The following CLN3 variants were observed in gnomAD, a reference collection of about 807,000 sequenced individuals.
CLN3 encodes battenin.
CLN3 carries 49 observed loss-of-function variants against 60.7 expected under a neutral mutation model. That is an observed-to-expected ratio of 0.81 (90% CI 0.64 to 1.02). The LOEUF is 1.02. Ranked by LOEUF, CLN3 falls within the 50% of genes least tolerant of loss-of-function variation. CLN3 has a pLI of 0.00. For missense variants in CLN3, 516 were observed against 557.4 expected (o/e 0.93, Z 0.75); for synonymous variants, 256 against 245.8 (o/e 1.04, Z -0.39).
downstream of CLN3, among the ~76,000 whole-genome samples, chr16:28,472,800 C>CAAA (rs34795595): frequency 1.2e-5 from 1 of 85,036 alleles, no homozygotes; most frequent in Admixed American, 1.2e-4. Context: ...AACTCTGTTT[C>CAAA]AAAAAAAAAA....
intron 14 of CLN3, chr16:28,479,774 A>G: frequency 4.6e-6 from 1 of 215,082 alleles, no homozygotes; most frequent in Non-Finnish European, 9.9e-6. Flanking sequence ...ATCTCAAAAA[A>G]CAAAACAAAA....
rs749453498 is a variant in CLN3 at position 28,482,669 on chromosome 16, G to A, written c.794C>T (p.Ser265Phe). 4 of 1,614,070 alleles carry A rather than the reference G, an allele frequency of 2.5e-6. No homozygotes were observed. Among genetic ancestry groups the A allele is most frequent in the African/African-American group, 1.3e-5 (1 of 74,926 alleles). ...TTCCCGAAGGGAGAGGCTGGAGCTG[G>A]AGCCTGCAGGGGAACAGAGAGAGAA... ...RTEAPESKPG[S>F]SSSLSLRERW... Residue 265 changes from serine to phenylalanine, a missense_variant, in exon 11 of 16, where the codon TCC (serine) becomes TTC (phenylalanine). Transcript: ENST00000636147.
downstream of CLN3, among the ~76,000 whole-genome samples, chr16:28,472,136 G>C (rs2045955320): frequency 6.6e-6 from 1 of 152,226 alleles, no homozygotes; most frequent in Non-Finnish European, 1.5e-5. Flanking sequence ...ACCTGGGTCT[G>C]GTGCAGTGGC....
chr16:28,491,664 G>A, intron 2 of CLN3, 50 bp downstream of exon 2: 1 of 1,614,056 alleles, frequency 6.2e-7, no homozygotes, highest in South Asian at 1.1e-5. Flanking sequence ...CCCTCAGGTG[G>A]GCTGCGAGCC....
chr16:28,483,742 G>A (rs1239641812), intron 10 of CLN3, among the ~76,000 whole-genome samples: 1 of 97,492 alleles, frequency 1.0e-5, no homozygotes, highest in African/African-American at 4.4e-5. Context: ...TTTTTTTTGC[G>A]ACAAGGTCTT....
rs763520472 is a variant in CLN3 at position 28,487,649 on chromosome 16, C to T, written c.374+13G>A. On this transcript the variant is annotated intron_variant, in intron 6 of 15. Transcript: ENST00000636147. ...CTCCTGCCCACCCTGCCTCCCACTA[C>T]CCTCACCCAGACCTGTAGGGCAGCA... 8.1e-6 allele frequency: 13 copies of T among 1,612,004 alleles called. No individual in the cohort carries two copies. The highest frequency in any genetic ancestry group is 1.0e-5 in the Non-Finnish European group (12 of 1,178,412).
chr16:28,479,067 T>A (rs2046045337), intron 14 of CLN3, among the ~76,000 whole-genome samples: 1 of 152,066 alleles, frequency 6.6e-6, no homozygotes, highest in African/African-American at 2.4e-5. Context: ...CCCCAGGGTG[T>A]AGGTCCCACC....
At chr16:28,472,569 G>A (rs1320818110), downstream of CLN3, among the ~76,000 whole-genome samples, 10 of 151,334 alleles carry the variant, frequency 6.6e-5, no homozygotes, top group Non-Finnish European at 7.4e-5. Context: ...GGCTGGGCGC[G>A]CTGGTTCACG....
chr16:28,483,029 A>G (rs34838), intron 10 of CLN3, among the ~76,000 whole-genome samples: 72,348 of 151,228 alleles, frequency 0.48, 17,698 homozygotes, highest in African/African-American at 0.53. Flanking sequence ...ACTTGAACCC[A>G]GGAGGCAGAG....
chr16:28,483,713 CTTTTTTTTT>C (rs755660742), intron 10 of CLN3, among the ~76,000 whole-genome samples: 8 of 100,526 alleles, frequency 8.0e-5, no homozygotes, highest in South Asian at 3.3e-4. Flanking sequence ...CCTTTCTTTT[CTTTTTTTTT>C]TTTTTTTTTT....
At chr16:28,489,171 G>A (rs1330561643) in intron 4 of CLN3, 119 bp downstream of exon 4, 1 of 790,776 alleles carries the variant, frequency 1.3e-6, no homozygotes, top group Non-Finnish European at 2.2e-6. Context: ...CAAACTGCTG[G>A]GATTACAGGT....
intron 14 of CLN3, among the ~76,000 whole-genome samples, chr16:28,481,654 G>T (rs2046098062): frequency 6.6e-6 from 1 of 152,002 alleles, no homozygotes; most frequent in Non-Finnish European, 1.5e-5. Context: ...TGGCTCCTGA[G>T]GCTATACATT....
intron 12 of CLN3, 30 bp downstream of exon 12, chr16:28,482,447 T>C: frequency 6.2e-7 from 1 of 1,613,854 alleles, no homozygotes; most frequent in Non-Finnish European, 8.5e-7. Flanking sequence ...AATCGCCACC[T>C]CCACACCCCT....
At chr16:28,472,329 C>T (rs921658889), downstream of CLN3, among the ~76,000 whole-genome samples, 2 of 151,452 alleles carry the variant, frequency 1.3e-5, no homozygotes, top group Admixed American at 6.6e-5. Context: ...TTCAAGGTTA[C>T]GGTGAGCTAT....
At chr16:28,482,575 G>A (rs1435894918) in intron 11 of CLN3, 30 bp from the exon 12 acceptor site, 19 of 1,613,918 alleles carry the variant, frequency 1.2e-5, no homozygotes, top group East Asian at 4.5e-5. Flanking sequence ...TAAGCGGGGG[G>A]CCTGGAGGTG....
rs949871038 is a variant in CLN3 at position 28,488,741 on chromosome 16, CCTTCA to C, written c.223-84_223-80del. On this transcript the variant is annotated intron_variant, in intron 4 of 15. Coordinates refer to ENST00000636147, the MANE Select transcript of CLN3 (RefSeq NM_001042432.2). ...GAGCCTGGCTCCCGTCCCAGCTCTG[CCTTCA>C]CTTGAAGGATGGCTTTGGGTCAGCA... 18 of 1,401,910 alleles carry C rather than the reference CCTTCA, an allele frequency of 1.3e-5. No homozygotes were observed. In the African/African-American group the frequency reaches 2.3e-4, roughly 18 times the overall value. The allele number at this position is 1,401,910 out of a possible 1,614,324, so 86.8% of individuals were successfully genotyped here.
chr16:28,484,136 G>A lies in CLN3; in HGVS notation c.678-18C>T. 1.9e-6 allele frequency: 3 copies of A among 1,580,720 alleles called. No homozygotes were observed. The highest frequency in any genetic ancestry group is 2.3e-5 in the South Asian group (2 of 87,944). Reference sequence around the variant, plus strand: ...AGAAATAGCTAGGAGTAGGATGAAGGCAGGGTCAGAAAACCCTACTGGCTG... The same window carrying A: ...AGAAATAGCTAGGAGTAGGATGAAGACAGGGTCAGAAAACCCTACTGGCTG... On this transcript the variant is annotated intron_variant, in intron 9 of 15. Transcript: ENST00000636147.
At chr16:28,491,441 T>C (rs1567264390) in intron 3 of CLN3, 41 bp downstream of exon 3, 1 of 1,609,088 alleles carries the variant, frequency 6.2e-7, no homozygotes, top group Admixed American at 1.7e-5. Context: ...ACTTCCCTCT[T>C]CTCATGCCAT....
chr16:28,481,986 C>G, intron 14 of CLN3, 119 bp downstream of exon 14: 1 of 566,756 alleles, frequency 1.8e-6, no homozygotes. Flanking sequence ...GACTCTGTCT[C>G]AAAAAAAAAA....
Sources: gnomAD v4.1 joint callset for allele counts (sites outside exome capture counted in the v4.1 genomes callset) on GRCh38, gnomAD v4.1.1 for gene constraint, MANE v1.5 for transcripts, NCBI Gene and HGNC (gene_info 2026-07-23, HGNC 2026-07-21) for gene names.